Variants in CERS6 observed in about 807,000 individuals in gnomAD.
CERS6 encodes the protein LAG1 homolog, ceramide synthase 6.
A neutral mutation model predicts 56.8 loss-of-function variants in CERS6; 26 were observed. That is an observed-to-expected ratio of 0.46 (90% CI 0.34 to 0.63). CERS6 has a LOEUF of 0.63. Ranked by LOEUF, CERS6 falls within the 30% of genes least tolerant of loss-of-function variation. CERS6 has a pLI of 0.01. For missense variants in CERS6, 415 were observed against 467.5 expected, an observed-to-expected ratio of 0.89 and a Z score of 1.04; for synonymous variants, 164 against 173.3, an observed-to-expected ratio of 0.95 and a Z score of 0.42.
intron 4 of CERS6, among the ~76,000 whole-genome samples, chr2:168,641,995 A>G (rs1685063999): frequency 6.6e-6 from 1 of 152,202 alleles, no homozygotes; most frequent in Non-Finnish European, 1.5e-5. Context: ...ATAGTAATTA[A>G]GTGAGAATTC....
chr2:168,561,389 T>G, intron 3 of CERS6, 67 bp downstream of exon 3: 1 of 1,590,596 alleles, frequency 6.3e-7, no homozygotes, highest in Middle Eastern at 1.7e-4. Context: ...AGGTGAAAAA[T>G]AAAAGATCTG....
intron 8 of CERS6, among the ~76,000 whole-genome samples, chr2:168,753,070 T>C (rs1028311467): frequency 2.0e-5 from 3 of 152,180 alleles, no homozygotes; most frequent in Admixed American, 6.5e-5. Context: ...TATGTTAGAG[T>C]TTAAGAAACC....
chr2:168,474,351 TAAA>T (rs1265492317), intron 1 of CERS6, among the ~76,000 whole-genome samples: 10 of 152,182 alleles, frequency 6.6e-5, no homozygotes, highest in Non-Finnish European at 1.3e-4. Flanking sequence ...TAAACTGACA[TAAA>T]GAAGTAGAAT....
intron 8 of CERS6, among the ~76,000 whole-genome samples, chr2:168,741,915 G>A (rs1173548680): frequency 6.6e-6 from 1 of 152,202 alleles, no homozygotes; most frequent in Non-Finnish European, 1.5e-5. Flanking sequence ...ATCAGTTTCA[G>A]TATAGTATTC....
Position 168,556,786 on chromosome 2 carries a change from G to A in CERS6, c.277-4406G>A, listed in dbSNP as rs551745061. Among the ~76,000 whole-genome samples the A allele has an allele frequency of 2.6e-5, 4 of 152,100 alleles. No homozygotes were observed. In the South Asian group the frequency reaches 8.3e-4, roughly 32 times the overall value. On this transcript the variant is annotated intron_variant, in intron 2 of 9. Transcript: ENST00000305747. ...GGGAATCTTGTGAAAAACTACCACA[G>A]ATATAAAATTTTAGTACAAAGTTAA...
chr2:168,664,731 T>G (rs765559456), intron 4 of CERS6, among the ~76,000 whole-genome samples: 1 of 152,152 alleles, frequency 6.6e-6, no homozygotes, highest in Non-Finnish European at 1.5e-5. Flanking sequence ...CCATTTTGGC[T>G]TTGGTGGGTT....
intron 1 of CERS6, among the ~76,000 whole-genome samples, chr2:168,488,035 T>C (rs1032735235): frequency 7.2e-5 from 11 of 152,306 alleles, no homozygotes; most frequent in South Asian, 2.1e-4. Context: ...TAACTGTTAG[T>C]GAGGATGCCA....
At chr2:168,542,452 A>G (rs1444108571) in intron 1 of CERS6, among the ~76,000 whole-genome samples, 7 of 152,212 alleles carry the variant, frequency 4.6e-5, no homozygotes, top group East Asian at 1.9e-4. Flanking sequence ...ATTTAATTCT[A>G]TACAATTTTA....
intron 1 of CERS6, among the ~76,000 whole-genome samples, chr2:168,519,987 C>A (rs1270695864): frequency 2.0e-5 from 3 of 152,098 alleles, no homozygotes; most frequent in Non-Finnish European, 4.4e-5. Flanking sequence ...ATTTTTAGTT[C>A]TTTGAGAAAT....
chr2:168,488,830 A>T (rs1694318962), intron 1 of CERS6, among the ~76,000 whole-genome samples: 1 of 152,130 alleles, frequency 6.6e-6, no homozygotes, highest in South Asian at 2.1e-4. Flanking sequence ...TTTATGATAG[A>T]GTTTCCTTTA....
At chr2:168,527,819 C>G (rs1233525221) in intron 1 of CERS6, among the ~76,000 whole-genome samples, 2 of 152,166 alleles carry the variant, frequency 1.3e-5, no homozygotes, top group African/African-American at 4.8e-5. Context: ...CTCCCAGGCT[C>G]AAGCAATCTT....
chr2:168,549,443 T>C (rs1008015620), intron 2 of CERS6, among the ~76,000 whole-genome samples: 1 of 152,090 alleles, frequency 6.6e-6, no homozygotes, highest in African/African-American at 2.4e-5. Context: ...GAGACCACCT[T>C]GGCCAACATG....
At chr2:168,522,998 C>T (rs890252539) in intron 1 of CERS6, among the ~76,000 whole-genome samples, 1 of 152,194 alleles carries the variant, frequency 6.6e-6, no homozygotes, top group African/African-American at 2.4e-5. Context: ...AGCAATGATA[C>T]TATTGATAGC....
chr2:168,586,978 C>T (rs1365494849), intron 3 of CERS6, among the ~76,000 whole-genome samples: 2 of 152,126 alleles, frequency 1.3e-5, no homozygotes, highest in Non-Finnish European at 2.9e-5. Context: ...TGAGACCAGC[C>T]TGGCCAACAT....
intron 1 of CERS6, among the ~76,000 whole-genome samples, chr2:168,465,389 T>A (rs1693852431): frequency 6.6e-6 from 1 of 152,164 alleles, no homozygotes; most frequent in Non-Finnish European, 1.5e-5. Context: ...CTGGGGCCAC[T>A]TCACTAAGGT....
chr2:168,674,489 G>A (rs775298879), intron 4 of CERS6, among the ~76,000 whole-genome samples: 7 of 152,248 alleles, frequency 4.6e-5, no homozygotes, highest in African/African-American at 7.2e-5. Flanking sequence ...TTTGAGGGAG[G>A]GTGTACATTA....
At chr2:168,644,982 C>T (rs1685139641) in intron 4 of CERS6, among the ~76,000 whole-genome samples, 1 of 148,486 alleles carries the variant, frequency 6.7e-6, no homozygotes, top group African/African-American at 2.5e-5. Context: ...ATCCCAGCTA[C>T]TCAGGAGGCT....
chr2:168,762,640 A>G (rs530509893), intron 8 of CERS6, among the ~76,000 whole-genome samples: 6 of 152,326 alleles, frequency 3.9e-5, no homozygotes, highest in Admixed American at 3.3e-4. Context: ...CAGAGTGAAT[A>G]CAACTATTTC....
At chr2:168,730,398 G>A (rs1683490606) in intron 8 of CERS6, among the ~76,000 whole-genome samples, 1 of 152,214 alleles carries the variant, frequency 6.6e-6, no homozygotes, top group South Asian at 2.1e-4. Flanking sequence ...CCTGGTCTGA[G>A]GCTTTGATGA....
Sources: allele counts gnomAD v4.1 joint callset (sites outside exome capture counted in the v4.1 genomes callset), GRCh38; gene constraint gnomAD v4.1.1; transcripts MANE v1.5; gene names NCBI Gene and HGNC (gene_info 2026-07-23, HGNC 2026-07-21).